The following BCAT1 variants were observed in gnomAD, a reference collection of about 807,000 sequenced individuals.
The protein encoded by BCAT1 is branched chain amino acid transaminase 1, also known as branched-chain-amino-acid aminotransferase, cytosolic.
BCAT1 carries 48 observed loss-of-function variants against 52.4 expected under a neutral mutation model. The observed-to-expected ratio is 0.92, with a 90% CI of 0.73 to 1.16. BCAT1 has a LOEUF of 1.16. BCAT1 is among the 50% of genes most tolerant of loss of function. The pLI is 0.00. For missense variants in BCAT1, 451 were observed against 457.1 expected, an observed-to-expected ratio of 0.99 and a Z score of 0.12; for synonymous variants, 167 against 161.3, an observed-to-expected ratio of 1.04 and a Z score of -0.27.
chr12:24,827,728 G>T (rs1034050417), intron 10 of BCAT1, among the ~76,000 whole-genome samples: 1 of 152,188 alleles, frequency 6.6e-6, no homozygotes, highest in African/African-American at 2.4e-5. Context: ...GGAGGCAGGG[G>T]TTGCAGTGAG....
chr12:24,880,996 G>A (rs749748886), intron 4 of BCAT1, among the ~76,000 whole-genome samples: 3 of 152,104 alleles, frequency 2.0e-5, no homozygotes, highest in East Asian at 3.9e-4. Flanking sequence ...CACCAAACCC[G>A]GCTAATTTTT....
chr12:24,905,907 C>T (rs950966603), intron 1 of BCAT1, among the ~76,000 whole-genome samples: 8 of 150,340 alleles, frequency 5.3e-5, no homozygotes, highest in African/African-American at 2.0e-4. Flanking sequence ...CGAGATGATC[C>T]TTTTAATAAG....
At chr12:24,860,665 T>C (rs1941828084) in intron 5 of BCAT1, among the ~76,000 whole-genome samples, 1 of 152,332 alleles carries the variant, frequency 6.6e-6, no homozygotes, top group Admixed American at 6.5e-5. Flanking sequence ...CTTTAAGGAA[T>C]CAAAGTTGAC....
intron 1 of BCAT1, among the ~76,000 whole-genome samples, chr12:24,932,667 CCTT>C (rs1943692683): frequency 1.3e-5 from 2 of 152,216 alleles, no homozygotes; most frequent in African/African-American, 4.8e-5. Context: ...CAGACTGTCT[CCTT>C]CTATCGCACA....
At chr12:24,941,836 G>A (rs1273420148) in intron 1 of BCAT1, among the ~76,000 whole-genome samples, 1 of 152,180 alleles carries the variant, frequency 6.6e-6, no homozygotes, top group Non-Finnish European at 1.5e-5. Flanking sequence ...AGGTGTCTGG[G>A]GAGTGGGCTG....
chr12:24,909,389 A>G (rs888726403), intron 1 of BCAT1, among the ~76,000 whole-genome samples: 1 of 152,240 alleles, frequency 6.6e-6, no homozygotes, highest in African/African-American at 2.4e-5. Context: ...GGCTTATTCA[A>G]TGCCAAGTCC....
At chr12:24,848,851 G>A (rs1404850837) in intron 6 of BCAT1, among the ~76,000 whole-genome samples, 1 of 152,164 alleles carries the variant, frequency 6.6e-6, no homozygotes, top group African/African-American at 2.4e-5. Context: ...AGTTGCCAGT[G>A]GGGATGACTT....
Position 24,816,983 on chromosome 12 carries a change from C to T in BCAT1, c.*1025G>A, listed in dbSNP as rs1470549966. ...ACAGATGAAGCTCCTCAATGGCCCA[C>T]CACTCACCTCTTCCTGCTGTGTGGC... On this transcript the variant is annotated 3_prime_UTR_variant, in exon 11 of 11. Coordinates refer to ENST00000261192, the MANE Select transcript of BCAT1 (RefSeq NM_005504.7). 1.8e-5 allele frequency: 3 copies of T among 170,924 alleles called. No homozygotes were observed. Among genetic ancestry groups the T allele is most frequent in the Non-Finnish European group, 3.7e-5 (3 of 81,112 alleles). The allele number at this position is 170,924 out of a possible 1,614,324, so 10.6% of individuals were successfully genotyped here. A position where few individuals can be genotyped will look rare whatever the true frequency, so the allele number is the denominator to read the frequency against.
intron 1 of BCAT1, among the ~76,000 whole-genome samples, chr12:24,914,158 T>C (rs569967664): frequency 8.6e-5 from 13 of 151,578 alleles, no homozygotes; most frequent in Admixed American, 2.0e-4. Flanking sequence ...CTCAGCTCAC[T>C]GCAAGCTCTG....
intron 5 of BCAT1, among the ~76,000 whole-genome samples, chr12:24,858,123 GCT>G (rs1941745276): frequency 1.3e-5 from 2 of 152,148 alleles, no homozygotes; most frequent in South Asian, 4.1e-4. Context: ...TGTTTTCCCG[GCT>G]CTGTCCCCAC....
intron 1 of BCAT1, chr12:24,902,132 A>T: frequency 6.9e-7 from 1 of 1,448,304 alleles, no homozygotes; most frequent in African/African-American, 1.4e-5. Flanking sequence ...CGGCTCAGGG[A>T]AGACTGGTTA....
At chr12:24,869,387 G>A (rs1422013624) in intron 5 of BCAT1, among the ~76,000 whole-genome samples, 1 of 152,160 alleles carries the variant, frequency 6.6e-6, no homozygotes, top group African/African-American at 2.4e-5. Flanking sequence ...AATCTGCAAG[G>A]CAGGAAGCAT....
At chr12:24,894,541 G>C in intron 2 of BCAT1, 66 bp from the exon 3 acceptor site, 1 of 1,295,556 alleles carries the variant, frequency 7.7e-7, no homozygotes. Flanking sequence ...AGATTATACA[G>C]AGGGGAAAAA....
At chr12:24,841,584 A>G (rs1461322536) in intron 7 of BCAT1, among the ~76,000 whole-genome samples, 1 of 152,126 alleles carries the variant, frequency 6.6e-6, no homozygotes, top group Admixed American at 6.5e-5. Context: ...AAAAACGAAA[A>G]ACAAAAAACC....
chr12:24,891,064 G>A (rs1052342791), intron 3 of BCAT1, among the ~76,000 whole-genome samples: 11 of 152,092 alleles, frequency 7.2e-5, no homozygotes, highest in African/African-American at 2.4e-4. Flanking sequence ...GGAAAAACTC[G>A]GTTGGAGAAT....
chr12:24,839,381 C>G (rs1172202868), intron 7 of BCAT1, among the ~76,000 whole-genome samples: 1 of 152,174 alleles, frequency 6.6e-6, no homozygotes, highest in Non-Finnish European at 1.5e-5. Context: ...TGAGCAATAC[C>G]GAGATTCACT....
At chr12:24,837,273 AG>A (rs1941021138) in intron 7 of BCAT1, among the ~76,000 whole-genome samples, 1 of 152,024 alleles carries the variant, frequency 6.6e-6, no homozygotes, top group Admixed American at 6.6e-5. Context: ...TTACCTTAGC[AG>A]ATGAAAGGTG....
At chr12:24,822,985 T>C (rs1229653104) in intron 10 of BCAT1, among the ~76,000 whole-genome samples, 2 of 152,150 alleles carry the variant, frequency 1.3e-5, no homozygotes, top group African/African-American at 4.8e-5. Flanking sequence ...ATATTTTACT[T>C]TTAAACTTTT....
chr12:24,833,822 CTT>C (rs745348842), intron 8 of BCAT1: 41 of 137,738 alleles, frequency 3.0e-4, no homozygotes, highest in Admixed American at 4.4e-4. Context: ...TTGTCTCTTT[CTT>C]TTTTTTTTTT....
Sources: allele counts gnomAD v4.1 joint callset (sites outside exome capture counted in the v4.1 genomes callset), GRCh38; gene constraint gnomAD v4.1.1; transcripts MANE v1.5; gene names NCBI Gene and HGNC (gene_info 2026-07-23, HGNC 2026-07-21).